The following CACNG4 variants were observed in gnomAD, a reference collection of about 807,000 sequenced individuals.
CACNG4 encodes the protein voltage-dependent calcium channel gamma-4 subunit.
CACNG4 carries 8 observed loss-of-function variants against 22.9 expected under a neutral mutation model. That is an observed-to-expected ratio of 0.35 (90% confidence interval 0.21 to 0.63). The LOEUF is 0.63. Among genes scored for constraint, CACNG4 ranks in the 30% least tolerant of loss-of-function variants. CACNG4 has a pLI of 0.72. For synonymous variants in CACNG4, 188 were observed against 191.9 expected (o/e 0.98, Z 0.17); for missense variants, 357 against 455.4 (o/e 0.78, Z 1.97).
chr17:66,996,162 G>T (rs1336988596), intron 1 of CACNG4, among the ~76,000 whole-genome samples: 1 of 152,138 alleles, frequency 6.6e-6, no homozygotes, highest in African/African-American at 2.4e-5. Flanking sequence ...CGCATGCTCT[G>T]CCAATGCCTC....
chr17:66,971,178 A>G (rs57258376), intron 1 of CACNG4, among the ~76,000 whole-genome samples: 19,453 of 151,630 alleles, frequency 0.13, 1,544 homozygotes, highest in East Asian at 0.32. Context: ...CTCTGCCCAT[A>G]GCTTCCACGC....
chr17:66,966,537 C>T (rs2035172240), intron 1 of CACNG4, among the ~76,000 whole-genome samples: 1 of 152,114 alleles, frequency 6.6e-6, no homozygotes, highest in Admixed American at 6.5e-5. Flanking sequence ...CTTTTCTGGC[C>T]GCATTTGAAG....
At chr17:66,994,209 A>G (rs1306169269) in intron 1 of CACNG4, among the ~76,000 whole-genome samples, 1 of 151,032 alleles carries the variant, frequency 6.6e-6, no homozygotes, top group Non-Finnish European at 1.5e-5. Flanking sequence ...TGCCTATAGT[A>G]TTAGCTACTC....
At position 66,973,276 on chromosome 17, in the gene CACNG4, G is replaced by A. The variant is rs1261517866; in HGVS notation, c.220+8145G>A. On this transcript the variant is annotated intron_variant, in intron 1 of 3. Transcript: ENST00000262138. ...AAGCGAAAGCACATGTAACATAAGT[G>A]GGGGAAGCGATCCTATCAATGGGAT... 3.3e-5 allele frequency among the ~76,000 whole-genome samples: 5 copies of A among 151,974 alleles called. No homozygotes were observed. The East Asian group carries it at 7.7e-4, about 24-fold the overall frequency.
chr17:67,014,497 A>C (rs1567757585), intron 1 of CACNG4, among the ~76,000 whole-genome samples: 1 of 152,174 alleles, frequency 6.6e-6, no homozygotes, highest in Non-Finnish European at 1.5e-5. Flanking sequence ...TGGAGTCCAG[A>C]GAAGAGAAGA....
chr17:66,978,869 C>T (rs1314423357), intron 1 of CACNG4, among the ~76,000 whole-genome samples: 2 of 152,222 alleles, frequency 1.3e-5, no homozygotes, highest in African/African-American at 2.4e-5. Flanking sequence ...GATTCCTGAG[C>T]GTGAGTGGAG....
At chr17:66,997,780 G>A (rs2035384380) in intron 1 of CACNG4, among the ~76,000 whole-genome samples, 1 of 152,124 alleles carries the variant, frequency 6.6e-6, no homozygotes, top group African/African-American at 2.4e-5. Context: ...GTACGCCACT[G>A]CCCTCCAGCC....
At chr17:67,020,016 G>C (rs1045242129) in intron 2 of CACNG4, 1 of 152,346 alleles carries the variant, frequency 6.6e-6, no homozygotes, top group African/African-American at 2.4e-5. Context: ...AGAGCACCCC[G>C]GGGCCAGCAA....
chr17:67,025,183 C>A lies in CACNG4; in HGVS notation c.445+183C>A, dbSNP rs114937927. 5.5e-3 allele frequency among the ~76,000 whole-genome samples: 844 copies of A among 152,328 alleles called. 5 individuals are homozygous for A. The highest frequency in any genetic ancestry group is 0.02 in the African/African-American group (815 of 41,580). On this transcript the variant is annotated intron_variant, in intron 3 of 3. Coordinates refer to ENST00000262138, the MANE Select transcript of CACNG4 (RefSeq NM_014405.4). ...CTGGGGGTGGATGGAGAATGGGGAG[C>A]AGCTGCCAAACAGAGCTTCCTTTTG...
intron 1 of CACNG4, among the ~76,000 whole-genome samples, chr17:66,991,044 G>A (rs1472881716): frequency 6.6e-6 from 1 of 152,160 alleles, no homozygotes; most frequent in African/African-American, 2.4e-5. Context: ...ATGAGGATTA[G>A]ATGAGTCAAA....
At chr17:66,994,845 G>C (rs1226775213) in intron 1 of CACNG4, among the ~76,000 whole-genome samples, 3 of 152,146 alleles carry the variant, frequency 2.0e-5, no homozygotes, top group Admixed American at 6.5e-5. Flanking sequence ...GGGAGGGAGT[G>C]AGAGGTCTTC....
chr17:66,994,342 A>C (rs893893086), intron 1 of CACNG4, among the ~76,000 whole-genome samples: 5 of 151,904 alleles, frequency 3.3e-5, no homozygotes, highest in African/African-American at 9.7e-5. Flanking sequence ...AAAAAAAAAA[A>C]AAACTGCGCC....
intron 1 of CACNG4, among the ~76,000 whole-genome samples, chr17:66,997,117 T>C (rs1164584099): frequency 1.3e-5 from 2 of 152,154 alleles, no homozygotes; most frequent in Non-Finnish European, 2.9e-5. Flanking sequence ...GTGATGGTGC[T>C]GTGGTCAAAG....
At chr17:66,993,478 T>G (rs1211611280) in intron 1 of CACNG4, among the ~76,000 whole-genome samples, 3 of 152,174 alleles carry the variant, frequency 2.0e-5, no homozygotes, top group African/African-American at 7.2e-5. Context: ...ACCCTCTAGC[T>G]GGGGCCAGGC....
At chr17:66,982,850 T>G (rs897601380) in intron 1 of CACNG4, among the ~76,000 whole-genome samples, 1 of 152,228 alleles carries the variant, frequency 6.6e-6, no homozygotes, top group Non-Finnish European at 1.5e-5. Context: ...GCCACCATGC[T>G]TGGCTATGAG....
At chr17:67,024,830 C>A (rs764928058) in intron 2 of CACNG4, 30 bp from the exon 3 acceptor site, 22 of 1,500,976 alleles carry the variant, frequency 1.5e-5, no homozygotes, top group Non-Finnish European at 1.9e-5. Flanking sequence ...TCACTGCCCT[C>A]TGCTTTGTGC....
Position 67,005,743 on chromosome 17 carries a change from T to C in CACNG4, c.221-12446T>C, listed in dbSNP as rs544648493. Among the ~76,000 whole-genome samples the C allele has an allele frequency of 2.0e-5, 3 of 152,292 alleles. No individual in the cohort carries two copies. The South Asian group carries it at 6.2e-4, about 32-fold the overall frequency. On this transcript the variant is annotated intron_variant, in intron 1 of 3. Coordinates refer to ENST00000262138, the MANE Select transcript of CACNG4 (RefSeq NM_014405.4). ...ACTGGCCCCATTCCAGGCTGCTCCATTGAAAGGAAACACCTTTTCGGACCT... is the reference window on the plus strand; with the variant it reads ...ACTGGCCCCATTCCAGGCTGCTCCACTGAAAGGAAACACCTTTTCGGACCT...
At position 66,985,974 on chromosome 17, in the gene CACNG4, A is replaced by AGAG. The variant is rs1184831918; in HGVS notation, c.220+20844_220+20845insAGG. ...AAAAAGAAGAAGAAGAAGAAGAAGAAGGTTCCAGACAGAACACAGGCAAAG... is the reference window on the plus strand; with the variant it reads ...AAAAAGAAGAAGAAGAAGAAGAAGAAGAGGGTTCCAGACAGAACACAGGCAAAG... On this transcript the variant is annotated intron_variant, in intron 1 of 3. Coordinates refer to ENST00000262138, the MANE Select transcript of CACNG4 (RefSeq NM_014405.4). Among the ~76,000 whole-genome samples the AGAG allele has an allele frequency of 2.8e-4, 42 of 150,198 alleles. 4 individuals are homozygous for AGAG. The highest frequency in any genetic ancestry group is 7.4e-4 in the African/African-American group (30 of 40,536).
chr17:66,967,616 A>G (rs889362298), intron 1 of CACNG4, among the ~76,000 whole-genome samples: 3 of 152,186 alleles, frequency 2.0e-5, no homozygotes, highest in Non-Finnish European at 4.4e-5. Flanking sequence ...TATAAGATGC[A>G]TTGTTTCCAC....
Sources: allele counts gnomAD v4.1 joint callset (sites outside exome capture counted in the v4.1 genomes callset), GRCh38; gene constraint gnomAD v4.1.1; transcripts MANE v1.5; gene names NCBI Gene and HGNC (gene_info 2026-07-23, HGNC 2026-07-21).